The following ARB2A variants were observed in gnomAD, a reference collection of about 807,000 sequenced individuals.
ARB2A encodes the protein cotranscriptional regulator ARB2A.
chr5:93,799,528 C>T, the ARB2A span, among the ~76,000 whole-genome samples: 1 of 152,058 alleles, frequency 6.6e-6, no homozygotes, highest in Non-Finnish European at 1.5e-5. Flanking sequence ...CTTTGCTGTA[C>T]TACACCTAGC....
the ARB2A span, among the ~76,000 whole-genome samples, chr5:93,852,298 GTTGT>G: frequency 3.6e-4 from 55 of 152,212 alleles, no homozygotes; most frequent in Admixed American, 1.1e-3. Flanking sequence ...TTTTGATGGG[GTTGT>G]TTGTTTTTTT....
chr5:94,074,509 G>A, the ARB2A span: 184 of 602,554 alleles, frequency 3.1e-4, no homozygotes, highest in African/African-American at 3.2e-3. Context: ...TTGCTGTGAG[G>A]GATATAAATA....
the ARB2A span, among the ~76,000 whole-genome samples, chr5:93,879,932 T>G: frequency 6.6e-6 from 1 of 151,872 alleles, no homozygotes; most frequent in Non-Finnish European, 1.5e-5. Flanking sequence ...GAGGTAATCT[T>G]TTAAAAATTT....
the ARB2A span, among the ~76,000 whole-genome samples, chr5:94,019,851 G>A: frequency 0.011 from 1,660 of 152,292 alleles, 30 homozygotes; most frequent in African/African-American, 0.038. Flanking sequence ...GGCATCTGGT[G>A]TAATTATTTG....
chr5:94,083,412 A>C, the ARB2A span, among the ~76,000 whole-genome samples: 3 of 152,222 alleles, frequency 2.0e-5, no homozygotes, highest in African/African-American at 7.2e-5. Context: ...AATATAAAGA[A>C]AGAAAACCAT....
chr5:93,663,558 T>C, the ARB2A span, among the ~76,000 whole-genome samples: 1 of 152,054 alleles, frequency 6.6e-6, no homozygotes, highest in Non-Finnish European at 1.5e-5. Context: ...TTGTTCCACA[T>C]GGAATATAAA....
At chr5:93,857,106 G>A in the ARB2A span, among the ~76,000 whole-genome samples, 41 of 152,268 alleles carry the variant, frequency 2.7e-4, no homozygotes, top group African/African-American at 7.7e-4. Context: ...GGATTTTCAC[G>A]AACCGCGAAT....
chr5:93,720,407 A>G, the ARB2A span, among the ~76,000 whole-genome samples: 1 of 152,188 alleles, frequency 6.6e-6, no homozygotes, highest in Admixed American at 6.5e-5. Flanking sequence ...AACCTAATCT[A>G]TAGTTCAGGG....
At chr5:93,737,977 A>G in the ARB2A span, 1 of 430,342 alleles carries the variant, frequency 2.3e-6, no homozygotes, top group Admixed American at 2.8e-5. Context: ...AGCTGGACTT[A>G]ATAAAAATTA....
chr5:94,036,437 C>G, the ARB2A span, among the ~76,000 whole-genome samples: 1 of 152,102 alleles, frequency 6.6e-6, no homozygotes, highest in Non-Finnish European at 1.5e-5. Flanking sequence ...TGGGAAAATA[C>G]AACTGTAAGT....
chr5:93,973,513 G>T, the ARB2A span, among the ~76,000 whole-genome samples: 1 of 152,126 alleles, frequency 6.6e-6, no homozygotes, highest in African/African-American at 2.4e-5. Flanking sequence ...TAATTAAGAA[G>T]TTTCTCTAAT....
At chr5:93,821,842 T>C in the ARB2A span, among the ~76,000 whole-genome samples, 4 of 152,226 alleles carry the variant, frequency 2.6e-5, no homozygotes, top group African/African-American at 9.6e-5. Flanking sequence ...CCAGTCTTTA[T>C]TCATTTGCCA....
chr5:94,102,559 TGAAAGA>T, the ARB2A span, among the ~76,000 whole-genome samples: 1 of 152,106 alleles, frequency 6.6e-6, no homozygotes, highest in Non-Finnish European at 1.5e-5. Flanking sequence ...TTGGCATCCC[TGAAAGA>T]GAGAGACATG....
chr5:93,655,924 CATTT>C, the ARB2A span, among the ~76,000 whole-genome samples: 1 of 152,138 alleles, frequency 6.6e-6, no homozygotes, highest in South Asian at 2.1e-4. Context: ...TATACGAAAT[CATTT>C]ATTTGTTTGG....
chr5:93,915,684 A>G, the ARB2A span, among the ~76,000 whole-genome samples: 46 of 152,170 alleles, frequency 3.0e-4, no homozygotes, highest in East Asian at 6.7e-3. Flanking sequence ...AATGGTTATC[A>G]TCTTGAAGAA....
chr5:94,010,178 T>C, the ARB2A span, among the ~76,000 whole-genome samples: 1 of 152,110 alleles, frequency 6.6e-6, no homozygotes, highest in Non-Finnish European at 1.5e-5. Flanking sequence ...AATAAAAAAC[T>C]TTAGTGCTAC....
chr5:93,822,567 A>G, the ARB2A span, among the ~76,000 whole-genome samples: 2 of 152,152 alleles, frequency 1.3e-5, no homozygotes, highest in Non-Finnish European at 2.9e-5. Context: ...TCATGCTTTA[A>G]GTAATTTAAC....
At chr5:93,881,657 T>C in the ARB2A span, 25 of 1,596,244 alleles carry the variant, frequency 1.6e-5, no homozygotes, top group Non-Finnish European at 2.0e-5. Flanking sequence ...ATAGTTTTCA[T>C]TGGGATTTAG....
chr5:93,699,511 C>A, the ARB2A span, among the ~76,000 whole-genome samples: 1 of 152,036 alleles, frequency 6.6e-6, no homozygotes, highest in African/African-American at 2.4e-5. Flanking sequence ...TCTTTGGAAT[C>A]CCCCCTTCCC....
Sources: gnomAD v4.1 joint callset for allele counts (sites outside exome capture counted in the v4.1 genomes callset) on GRCh38, gnomAD v4.1.1 for gene constraint, MANE v1.5 for transcripts, NCBI Gene and HGNC (gene_info 2026-07-23, HGNC 2026-07-21) for gene names.